CLSTN2: variants seen among roughly 807,000 people sequenced by gnomAD.
The protein encoded by CLSTN2 is calsyntenin 2.
In CLSTN2, 48 loss-of-function variants were observed where a neutral mutation model predicts 101.2. The observed-to-expected ratio is 0.47, with a 90% confidence interval of 0.38 to 0.60. CLSTN2 has a LOEUF of 0.60. Among genes scored for constraint, CLSTN2 ranks in the 20% least tolerant of loss-of-function variants. CLSTN2 has a pLI of 0.00. For missense variants in CLSTN2, 1,160 were observed against 1,238.2 expected (o/e 0.94, Z 0.95); for synonymous variants, 481 against 463.6 (o/e 1.04, Z -0.48).
At chr3:140,333,491 T>C (rs1206582795) in intron 2 of CLSTN2, among the ~76,000 whole-genome samples, 1 of 152,132 alleles carries the variant, frequency 6.6e-6, no homozygotes, top group East Asian at 1.9e-4. Context: ...TCATGTAAGC[T>C]TTCCCAGGAC....
intron 1 of CLSTN2, among the ~76,000 whole-genome samples, chr3:140,080,267 C>A (rs1298254382): frequency 6.6e-6 from 1 of 152,224 alleles, no homozygotes; most frequent in Admixed American, 6.5e-5. Flanking sequence ...CCACATAACT[C>A]ATTGCAGTGT....
At chr3:140,464,745 G>A (rs1576582750) in intron 7 of CLSTN2, among the ~76,000 whole-genome samples, 1 of 152,162 alleles carries the variant, frequency 6.6e-6, no homozygotes, top group East Asian at 1.9e-4. Context: ...CCACAGAAAA[G>A]TCAGGTATAC....
chr3:140,221,559 G>A (rs745652304), intron 2 of CLSTN2, among the ~76,000 whole-genome samples: 6 of 152,140 alleles, frequency 3.9e-5, no homozygotes, highest in Non-Finnish European at 5.9e-5. Flanking sequence ...CAGAATGGGA[G>A]AAAATTATTT....
chr3:140,408,216 G>T (rs1474026867), intron 4 of CLSTN2, among the ~76,000 whole-genome samples: 21 of 152,136 alleles, frequency 1.4e-4, no homozygotes, highest in Admixed American at 1.4e-3. Flanking sequence ...TAGCTCAAAA[G>T]TTACCCTTGA....
intron 8 of CLSTN2, among the ~76,000 whole-genome samples, chr3:140,482,192 A>G (rs1033455852): frequency 2.8e-4 from 43 of 152,224 alleles, no homozygotes; most frequent in Non-Finnish European, 6.0e-4. Flanking sequence ...CCTTTTCTGC[A>G]TCTATTGAGA....
At chr3:140,354,991 C>G (rs374353665) in intron 2 of CLSTN2, among the ~76,000 whole-genome samples, 3 of 152,150 alleles carry the variant, frequency 2.0e-5, no homozygotes, top group African/African-American at 7.2e-5. Flanking sequence ...ATGTGACACT[C>G]TAGGAGGCAT....
chr3:140,456,711 C>T (rs1035051003), intron 6 of CLSTN2, among the ~76,000 whole-genome samples: 6 of 151,992 alleles, frequency 3.9e-5, no homozygotes, highest in East Asian at 3.9e-4. Context: ...CGCTTGAACC[C>T]GGGAAGCAGA....
chr3:140,283,979 T>C (rs540913896), intron 2 of CLSTN2, among the ~76,000 whole-genome samples: 1 of 152,266 alleles, frequency 6.6e-6, no homozygotes, highest in South Asian at 2.1e-4. Context: ...GCTCCAACTG[T>C]AAAGGAGGAA....
intron 2 of CLSTN2, among the ~76,000 whole-genome samples, chr3:140,384,635 G>A (rs1248621404): frequency 6.6e-6 from 1 of 152,214 alleles, no homozygotes; most frequent in Non-Finnish European, 1.5e-5. Flanking sequence ...ACACCTGACA[G>A]GAAGCAGGCC....
intron 1 of CLSTN2, among the ~76,000 whole-genome samples, chr3:140,004,765 A>G (rs1300973405): frequency 2.6e-5 from 4 of 152,048 alleles, no homozygotes; most frequent in South Asian, 2.1e-4. Context: ...TGCTAATTTG[A>G]TTGTTATCTT....
intron 8 of CLSTN2, chr3:140,505,897 T>A (rs1032441789): frequency 1.3e-5 from 2 of 152,224 alleles, no homozygotes; most frequent in East Asian, 3.9e-4. Flanking sequence ...ACTGGAGTCC[T>A]CTTCAAAGAG....
intron 1 of CLSTN2, among the ~76,000 whole-genome samples, chr3:139,973,651 TA>T (rs1487201813): frequency 1.3e-5 from 2 of 152,130 alleles, no homozygotes; most frequent in African/African-American, 4.8e-5. Flanking sequence ...CTTTCTTTTT[TA>T]AATTGAGACA....
chr3:139,981,887 A>T (rs1260971781), intron 1 of CLSTN2, among the ~76,000 whole-genome samples: 2 of 152,196 alleles, frequency 1.3e-5, no homozygotes, highest in East Asian at 1.9e-4. Context: ...TAGAGAAGGA[A>T]ATTCTGTCTG....
chr3:140,239,867 ATATC>A (rs1330039736), intron 2 of CLSTN2, among the ~76,000 whole-genome samples: 6 of 151,772 alleles, frequency 4.0e-5, no homozygotes, highest in Admixed American at 4.0e-4. Context: ...GTATGTATAT[ATATC>A]TGTGTTTATA....
chr3:140,486,277 A>AAAG (rs75656976), intron 8 of CLSTN2, among the ~76,000 whole-genome samples: 72,650 of 151,806 alleles, frequency 0.48, 18,625 homozygotes, highest in African/African-American at 0.67. Flanking sequence ...CATAGGAAAG[A>AAAG]AAGAGCATTG....
intron 12 of CLSTN2, 30 bp from the exon 13 acceptor site, chr3:140,562,108 C>T (rs746382101): frequency 5.6e-6 from 9 of 1,605,518 alleles, no homozygotes; most frequent in South Asian, 3.3e-5. Context: ...GTCCTTCATG[C>T]CTGCATTTCC....
At chr3:140,148,995 C>G (rs1245302060) in intron 1 of CLSTN2, among the ~76,000 whole-genome samples, 1 of 152,112 alleles carries the variant, frequency 6.6e-6, no homozygotes, top group Non-Finnish European at 1.5e-5. Context: ...AGCGGAGGTC[C>G]TTGAGCCTGC....
chr3:140,392,957 A>G (rs62266365), intron 2 of CLSTN2, among the ~76,000 whole-genome samples: 61,768 of 151,914 alleles, frequency 0.41, 14,971 homozygotes, highest in South Asian at 0.6. Context: ...CAGCATAAGC[A>G]TAAATATGAC....
chr3:140,548,374 G>T (rs1342704764), intron 10 of CLSTN2, among the ~76,000 whole-genome samples: 1 of 152,170 alleles, frequency 6.6e-6, no homozygotes, highest in Non-Finnish European at 1.5e-5. Context: ...TTGATTCCCA[G>T]AACACTTGTA....
Sources: gnomAD v4.1 joint callset for allele counts (sites outside exome capture counted in the v4.1 genomes callset) on GRCh38, gnomAD v4.1.1 for gene constraint, MANE v1.5 for transcripts, NCBI Gene and HGNC (gene_info 2026-07-23, HGNC 2026-07-21) for gene names.